The following MBNL3 variants were observed in gnomAD, a reference collection of about 807,000 sequenced individuals.
MBNL3 encodes muscleblind-like protein 3.
Under a neutral mutation model 24.5 loss-of-function variants are expected in MBNL3, and 6 were observed. The observed-to-expected ratio is 0.25, with a 90% CI of 0.13 to 0.48. The LOEUF is 0.48. Ranked by LOEUF, MBNL3 falls within the 20% of genes least tolerant of loss-of-function variation. The pLI, the probability that MBNL3 is intolerant of heterozygous loss-of-function variation, is 0.99. For missense variants in MBNL3, 230 were observed against 293.5 expected (o/e 0.78, Z 1.58); for synonymous variants, 100 against 101.7 (o/e 0.98, Z 0.10).
chrX:132,401,197 T>A (rs1195746816), intron 3 of MBNL3, among the ~76,000 whole-genome samples: 4 of 112,171 alleles, frequency 3.6e-5, no homozygotes, highest in African/African-American at 9.7e-5. Flanking sequence ...ACAAAACTAC[T>A]CTTTTTTATA....
chrX:132,466,910 C>T (rs1946915086), intron 1 of MBNL3, among the ~76,000 whole-genome samples: 1 of 111,272 alleles, frequency 9.0e-6, no homozygotes, highest in African/African-American at 3.3e-5. Flanking sequence ...GGTGTTCTGC[C>T]AAGTGTTGCC....
intron 2 of MBNL3, among the ~76,000 whole-genome samples, chrX:132,434,034 T>C (rs1025612823): frequency 4.5e-5 from 5 of 112,116 alleles, no homozygotes; most frequent in African/African-American, 1.6e-4. Context: ...CACCTGACAA[T>C]GTATTGTTAT....
chrX:132,416,053 CT>C (rs1480638176), intron 2 of MBNL3, among the ~76,000 whole-genome samples: 1 of 111,012 alleles, frequency 9.0e-6, no homozygotes, highest in African/African-American at 3.3e-5. Flanking sequence ...AATCCCACTG[CT>C]GGGTATCTAT....
rs757531791 is a variant in MBNL3, at chrX:132,465,052, A to G, written c.-704+23799T>C. On this transcript the variant is annotated intron_variant, in intron 1 of 8. Transcript: ENST00000370853. Reference sequence around the variant, plus strand: ...AGAGCAGGACTCCATCTCAAAGTAAATAAATAAATAATAAAAACTTTTTAA... The same window carrying G: ...AGAGCAGGACTCCATCTCAAAGTAAGTAAATAAATAATAAAAACTTTTTAA... Among the ~76,000 whole-genome samples the G allele has an allele frequency of 1.1e-4, 12 of 111,630 alleles. No homozygotes were observed. In the South Asian group the frequency reaches 4.5e-3, roughly 42 times the overall value.
chrX:132,400,730 T>C (rs1017479505), intron 3 of MBNL3, among the ~76,000 whole-genome samples: 2 of 111,630 alleles, frequency 1.8e-5, no homozygotes, highest in Non-Finnish European at 3.8e-5. Context: ...TAGGCTTCAG[T>C]TGATATACCT....
intron 1 of MBNL3, among the ~76,000 whole-genome samples, chrX:132,486,382 A>G (rs1487228695): frequency 8.9e-6 from 1 of 111,790 alleles, no homozygotes; most frequent in Non-Finnish European, 1.9e-5. Context: ...GTGGTACTAT[A>G]CAATCACTCA....
Position 132,406,109 on chromosome X carries a change from GT to G in MBNL3, c.342+118del. 4 of 838,914 alleles carry G rather than the reference GT, an allele frequency of 4.8e-6. No individual in the cohort carries two copies. The South Asian group carries it at 8.8e-5, about 19-fold the overall frequency. The allele number at this position is 838,914 out of a possible 1,213,427, so 69.1% of individuals were successfully genotyped here. On this transcript the variant is annotated intron_variant, in intron 3 of 8. Coordinates refer to ENST00000370853, the MANE Select transcript of MBNL3 (RefSeq NM_001386889.1). ...CTCTTCAAGTGCACAGCTCTGTAGT[GT>G]CAATGAACATATTAGTTTGTGTCCT...
intron 2 of MBNL3, among the ~76,000 whole-genome samples, chrX:132,427,777 C>A (rs919939396): frequency 1.5e-4 from 17 of 111,697 alleles, no homozygotes; most frequent in Non-Finnish European, 1.1e-4. Flanking sequence ...CATTTTTGCA[C>A]GCTAAGACAG....
intron 1 of MBNL3, among the ~76,000 whole-genome samples, chrX:132,466,159 C>A (rs1487055987): frequency 8.9e-6 from 1 of 112,276 alleles, no homozygotes; most frequent in Non-Finnish European, 1.9e-5. Context: ...GGAAATATTT[C>A]TGAAGTGATT....
In MBNL3 at chrX:132,374,121, TATTA is replaced by T. The variant is rs766434567; in HGVS notation, c.*5541_*5544del. ...ATTAACAATTTGTCACTTAAATACC[TATTA>T]ATTGATAAACATTTTAACTGACACA... On this transcript the variant is annotated 3_prime_UTR_variant, in exon 9 of 9. Transcript: ENST00000370853. 35 of 112,074 alleles carry T rather than the reference TATTA, an allele frequency of 3.1e-4. No homozygotes were observed. The highest frequency in any genetic ancestry group is 1.1e-3 in the African/African-American group (34 of 30,935). The allele number at this position is 112,074 out of a possible 1,213,427, so 9.2% of individuals were successfully genotyped here.
At chrX:132,473,225 C>A (rs1175489834) in intron 1 of MBNL3, among the ~76,000 whole-genome samples, 1 of 111,949 alleles carries the variant, frequency 8.9e-6, no homozygotes, top group Non-Finnish European at 1.9e-5. Context: ...TTTACTTCAA[C>A]AAAGTAAAAC....
intron 2 of MBNL3, among the ~76,000 whole-genome samples, chrX:132,420,586 G>C (rs970838194): frequency 5.4e-5 from 6 of 111,451 alleles, no homozygotes; most frequent in Non-Finnish European, 1.1e-4. Context: ...TTAACCTCCT[G>C]TTTTTGCCTA....
intron 3 of MBNL3, among the ~76,000 whole-genome samples, chrX:132,398,703 A>C (rs1288648563): frequency 9.0e-6 from 1 of 111,276 alleles, no homozygotes; most frequent in Non-Finnish European, 1.9e-5. Context: ...CAAGGAACCC[A>C]CAGGAAACCT....
At chrX:132,486,621 G>C (rs1477647422) in intron 1 of MBNL3, among the ~76,000 whole-genome samples, 1 of 112,192 alleles carries the variant, frequency 8.9e-6, no homozygotes, top group African/African-American at 3.2e-5. Context: ...GCATAAAAAT[G>C]CCTTCCGTTT....
intron 2 of MBNL3, among the ~76,000 whole-genome samples, chrX:132,410,218 AAG>A (rs912123684): frequency 1.8e-5 from 2 of 112,169 alleles, no homozygotes; most frequent in African/African-American, 6.5e-5. Context: ...GCCTTTAACT[AAG>A]AGAGAAAAGT....
At chrX:132,402,576 A>C (rs1200007586) in intron 3 of MBNL3, among the ~76,000 whole-genome samples, 1 of 111,685 alleles carries the variant, frequency 9.0e-6, no homozygotes, top group Non-Finnish European at 1.9e-5. Context: ...ATCAGGAACA[A>C]TCTCTCTTAA....
chrX:132,388,355 G>A (rs915143617), intron 5 of MBNL3, among the ~76,000 whole-genome samples: 4 of 112,191 alleles, frequency 3.6e-5, no homozygotes, highest in Non-Finnish European at 5.6e-5. Context: ...CTATCATTTC[G>A]AATGCCTTTT....
At chrX:132,381,274 T>TA (rs755916055) in intron 8 of MBNL3, 35 of 514,885 alleles carry the variant, frequency 6.8e-5, no homozygotes, top group Admixed American at 1.8e-4. Flanking sequence ...TGAAAATATT[T>TA]ACGAAAGCCT....
chrX:132,379,203 G>C lies in MBNL3; in HGVS notation c.*463C>G. 1 of 116,930 alleles carries C rather than the reference G, an allele frequency of 8.6e-6. No homozygotes were observed. The highest frequency in any genetic ancestry group is 3.2e-5 in the African/African-American group (1 of 30,802). The allele number at this position is 116,930 out of a possible 1,213,427, so 9.6% of individuals were successfully genotyped here. A position where few individuals can be genotyped will look rare whatever the true frequency, so the allele number is the denominator to read the frequency against. On this transcript the variant is annotated 3_prime_UTR_variant, in exon 9 of 9. Transcript: ENST00000370853. ...CACAGCACAACACAATACAACACAA[G>C]AAATGGTACTGAATATATTTGTTAC...
Sources: gnomAD v4.1 joint callset for allele counts (sites outside exome capture counted in the v4.1 genomes callset) on GRCh38, gnomAD v4.1.1 for gene constraint, MANE v1.5 for transcripts, NCBI Gene and HGNC (gene_info 2026-07-23, HGNC 2026-07-21) for gene names.